The following POTEE variants were observed in gnomAD, a reference collection of about 807,000 sequenced individuals.
The protein encoded by POTEE is POTE ankyrin domain family member E.
A neutral mutation model predicts 74.2 loss-of-function variants in POTEE; 21 were observed. The observed-to-expected ratio is 0.28, with a 90% CI of 0.20 to 0.41. POTEE has a LOEUF of 0.41. POTEE is among the 10% of genes least tolerant of loss of function. The probability of loss-of-function intolerance (pLI) is 1.00; values close to 1 mark genes in which losing one functional copy is unlikely to be tolerated. For synonymous variants in POTEE, 211 were observed against 432.8 expected (o/e 0.49, Z 6.36); for missense variants, 525 against 1,158.6 (o/e 0.45, Z 7.94).
chr2:131,231,961 C>CT (rs1307818348), intron 9 of POTEE, among the ~76,000 whole-genome samples: 2 of 152,092 alleles, frequency 1.3e-5, no homozygotes, highest in Non-Finnish European at 1.5e-5. Context: ...TAGTTTTGAT[C>CT]TTTAAGGTGC....
chr2:131,212,292 TCC>T (rs1278255454), intron 2 of POTEE, among the ~76,000 whole-genome samples: 2 of 151,742 alleles, frequency 1.3e-5, no homozygotes, highest in African/African-American at 4.8e-5. Context: ...GTTAATTACA[TCC>T]TACTGCTCAA....
chr2:131,239,893 T>C (rs1409743600), intron 12 of POTEE, among the ~76,000 whole-genome samples: 22 of 151,986 alleles, frequency 1.4e-4, no homozygotes, highest in Non-Finnish European at 2.7e-4. Context: ...TGAGTTCTCA[T>C]TATTTAGTTC....
In POTEE at chr2:131,214,461, G is replaced by A. The variant is rs143154135; in HGVS notation, c.-188-3128G>A. Reference sequence around the variant, plus strand: ...CAGGTCAGATAAATTTAATCATGTCGTAGATAGTCTGTGGAAGTTGTGTTA... The same window carrying A: ...CAGGTCAGATAAATTTAATCATGTCATAGATAGTCTGTGGAAGTTGTGTTA... On this transcript the variant is annotated intron_variant, in intron 2 of 17. Coordinates refer to ENST00000683005, the MANE Select transcript of POTEE (RefSeq NM_001083538.3). 4.3e-4 allele frequency among the ~76,000 whole-genome samples: 65 copies of A among 152,364 alleles called. No homozygotes were observed. The East Asian group carries it at 8.3e-3, about 19-fold the overall frequency.
chr2:131,238,018 C>A (rs1180769057), intron 10 of POTEE, among the ~76,000 whole-genome samples, 176 bp from the exon 11 acceptor site: 1 of 151,446 alleles, frequency 6.6e-6, no homozygotes, highest in Non-Finnish European at 1.5e-5. Context: ...AAAGTTAATT[C>A]TTAATTTTAA....
At chr2:131,225,685 AG>A (rs1188000153) in intron 6 of POTEE, among the ~76,000 whole-genome samples, 15 of 131,162 alleles carry the variant, frequency 1.1e-4, no homozygotes, top group Admixed American at 1.1e-3. Flanking sequence ...CTCCAACCTC[AG>A]TTTTTTTTTT....
chr2:131,235,809 A>AT, intron 9 of POTEE, among the ~76,000 whole-genome samples: 1 of 151,648 alleles, frequency 6.6e-6, no homozygotes, highest in Admixed American at 6.6e-5. Context: ...AAAAAAAAAA[A>AT]AAAAGAAAGA....
At chr2:131,210,570 A>G (rs191575348) in intron 1 of POTEE, among the ~76,000 whole-genome samples, 1 of 152,122 alleles carries the variant, frequency 6.6e-6, no homozygotes, top group East Asian at 1.9e-4. Flanking sequence ...TGCAATCTTG[A>G]GCAGGGCAGG....
At chr2:131,237,713 C>T (rs1701181041) in intron 10 of POTEE, among the ~76,000 whole-genome samples, 2 of 152,116 alleles carry the variant, frequency 1.3e-5, no homozygotes, top group African/African-American at 4.8e-5. Context: ...TAAATGGTGC[C>T]TACAATCCAG....
At chr2:131,225,127 T>C (rs1351356254) in intron 6 of POTEE, among the ~76,000 whole-genome samples, 4 of 152,212 alleles carry the variant, frequency 2.6e-5, no homozygotes, top group Non-Finnish European at 5.9e-5. Context: ...TTGCACTAGC[T>C]TTCAGCTAGA....
intron 1 of POTEE, among the ~76,000 whole-genome samples, 117 bp downstream of exon 1, chr2:131,209,936 G>A (rs1573688972): frequency 6.7e-6 from 1 of 148,668 alleles, no homozygotes; most frequent in African/African-American, 2.5e-5. Context: ...GGCACTCTCC[G>A]AGGTTGCATT....
At chr2:131,211,933 A>G (rs1297601305) in intron 2 of POTEE, among the ~76,000 whole-genome samples, 1 of 151,444 alleles carries the variant, frequency 6.6e-6, no homozygotes, top group Non-Finnish European at 1.5e-5. Context: ...AAAAGGTGTC[A>G]TAATAGGCCT....
rs1461350865 is a variant in POTEE at position 131,209,553 on chromosome 2, G to A, written c.-611G>A. On this transcript the variant is annotated 5_prime_UTR_variant, in exon 1 of 18. In the 5' UTR this introduces an upstream ATG that the reference lacks. Coordinates refer to ENST00000683005, the MANE Select transcript of POTEE (RefSeq NM_001083538.3). ...GTCAGGTCATTTCAGGCTCTTAAGT[G>A]TGGGCGTTTGGTAACCGGCATGGCT... 6.6e-6 allele frequency among the ~76,000 whole-genome samples: 1 copy of A among 152,206 alleles called. No individual in the cohort carries two copies. Among genetic ancestry groups the A allele is most frequent in the Non-Finnish European group, 1.5e-5 (1 of 68,028 alleles).
At position 131,211,017 on chromosome 2, in the gene POTEE, TC is replaced by T. The variant is rs1194309770; in HGVS notation, c.-344-8del. ...GGCTCTAACGTTACCACTCCCTGCA[TC>T]CCATTCTAGGCTTTTCTGGCTTTGC... On this transcript the variant is annotated splice_polypyrimidine_tract_variant and intron_variant, in intron 1 of 17. Coordinates refer to ENST00000683005, the MANE Select transcript of POTEE (RefSeq NM_001083538.3). 6.6e-6 allele frequency among the ~76,000 whole-genome samples: 1 copy of T among 150,822 alleles called. No homozygotes were observed. Among genetic ancestry groups the T allele is most frequent in the Non-Finnish European group, 1.5e-5 (1 of 68,018 alleles).
At chr2:131,226,684 A>G (rs1700789063) in intron 6 of POTEE, 139 bp from the exon 7 acceptor site, 1 of 1,348,646 alleles carries the variant, frequency 7.4e-7, no homozygotes. Flanking sequence ...AAAGCACAGA[A>G]GAGTGAGAAG....
At position 131,211,201 on chromosome 2, in the gene POTEE, G is replaced by C. The variant is rs1014060081; in HGVS notation, c.-189+18G>C. ...CAGGAGTGGTAGGAGGGTGCCCGCG[G>C]GGGCAAGGTGGTAGGAACCTTGTAG... On this transcript the variant is annotated intron_variant, in intron 2 of 17. Coordinates refer to ENST00000683005, the MANE Select transcript of POTEE (RefSeq NM_001083538.3). Among the ~76,000 whole-genome samples the C allele has an allele frequency of 7.2e-5, 11 of 152,022 alleles. No homozygotes were observed. The highest frequency in any genetic ancestry group is 2.7e-4 in the African/African-American group (11 of 41,304).
intron 9 of POTEE, among the ~76,000 whole-genome samples, chr2:131,233,464 A>C (rs1701026699): frequency 6.6e-6 from 1 of 152,154 alleles, no homozygotes; most frequent in African/African-American, 2.4e-5. Context: ...CAGGAGACAA[A>C]GGAAGTTTTC....
Position 131,231,568 on chromosome 2 carries a change from T to G in POTEE, c.1126+662T>G, listed in dbSNP as rs866060204. 2.6e-5 allele frequency among the ~76,000 whole-genome samples: 4 copies of G among 152,156 alleles called. No homozygotes were observed. The South Asian group carries it at 8.3e-4, about 32-fold the overall frequency. ...GTTACATATGCTTGTCCCAATAAGGTCTCACTATTACTGACTTCATTCCTC... is the reference window on the plus strand; with the variant it reads ...GTTACATATGCTTGTCCCAATAAGGGCTCACTATTACTGACTTCATTCCTC... On this transcript the variant is annotated intron_variant, in intron 9 of 17. Coordinates refer to ENST00000683005, the MANE Select transcript of POTEE (RefSeq NM_001083538.3).
At position 131,263,785 on chromosome 2, in the gene POTEE, C is replaced by T. The variant is rs1701802318; in HGVS notation, c.2330C>T (p.Thr777Ile). 2 of 1,613,458 alleles carry T rather than the reference C, an allele frequency of 1.2e-6. No individual in the cohort carries two copies. Among genetic ancestry groups the T allele is most frequent in the African/African-American group, 2.7e-5 (2 of 74,840 alleles). ...LKYPMEHGII[T>I]NWDDMEKIWH... ...TACCCCATGGAACACGGCATCATCA[C>T]CAACTGGGATGACATGGAGAAGATC... The change falls in exon 18 of 18, where the codon ACC (threonine) becomes ATC (isoleucine). Residue 777 changes from threonine (T) to isoleucine (I), a missense_variant. Thr to Ile is a moderately conservative substitution (Grantham distance 89). Coordinates refer to ENST00000683005, the MANE Select transcript of POTEE (RefSeq NM_001083538.3).
chr2:131,230,126 A>G (rs1394487986), intron 8 of POTEE, among the ~76,000 whole-genome samples: 1 of 151,992 alleles, frequency 6.6e-6, no homozygotes, highest in Non-Finnish European at 1.5e-5. Flanking sequence ...TGATTGATCA[A>G]CTCCGTAATA....
Sources: allele counts gnomAD v4.1 joint callset (sites outside exome capture counted in the v4.1 genomes callset), GRCh38; gene constraint gnomAD v4.1.1; transcripts MANE v1.5; gene names NCBI Gene and HGNC (gene_info 2026-07-23, HGNC 2026-07-21).